The following FBXL20 variants were observed in gnomAD, a reference collection of about 807,000 sequenced individuals.
FBXL20 encodes the protein F-box and leucine rich repeat protein 20.
In FBXL20, 11 loss-of-function variants were observed where a neutral mutation model predicts 64.0. That is an observed-to-expected ratio of 0.17 (90% CI 0.11 to 0.28). The LOEUF is 0.28. Among genes scored for constraint, FBXL20 ranks in the 10% least tolerant of loss-of-function variants. The pLI is 1.00. For synonymous variants in FBXL20, 184 were observed against 189.0 expected, an observed-to-expected ratio of 0.97 and a Z score of 0.22; for missense variants, 303 against 526.2, an observed-to-expected ratio of 0.58 and a Z score of 4.15.
chr17:39,377,843 G>A (rs34362498), intron 1 of FBXL20, among the ~76,000 whole-genome samples: 6,544 of 152,160 alleles, frequency 0.043, 468 homozygotes, highest in African/African-American at 0.15. Flanking sequence ...TCTAGGCAGC[G>A]GGCAAGGTGA....
At chr17:39,402,355 G>GGGGGCC (rs2048257748), upstream of FBXL20, 1 of 556,386 alleles carries the variant, frequency 1.8e-6, no homozygotes, top group Non-Finnish European at 2.7e-6. Flanking sequence ...GGGAGGCCTG[G>GGGGGCC]GGGGCCGGGG....
intron 1 of FBXL20, among the ~76,000 whole-genome samples, chr17:39,363,810 C>CAAAAAAAAAAAAAAAAAA (rs71372113): frequency 3.8e-5 from 1 of 26,650 alleles, no homozygotes; most frequent in Non-Finnish European, 6.4e-5. Context: ...GACTTTATCT[C>CAAAAAAAAAAAAAAAAAA]AAAAAAAAAA....
At chr17:39,337,004 CCT>C (rs1344995344) in intron 2 of FBXL20, among the ~76,000 whole-genome samples, 5 of 151,986 alleles carry the variant, frequency 3.3e-5, no homozygotes, top group African/African-American at 7.2e-5. Flanking sequence ...TCTTCCTCTC[CCT>C]CTCTTTCCAC....
At chr17:39,299,761 C>G (rs1471766449) in intron 4 of FBXL20, among the ~76,000 whole-genome samples, 1 of 147,824 alleles carries the variant, frequency 6.8e-6, no homozygotes, top group Admixed American at 6.8e-5. Flanking sequence ...CCAGCCTGGG[C>G]GACAAAGCGA....
chr17:39,286,783 AGTGAAACTCT>A (rs1288318883), intron 6 of FBXL20, among the ~76,000 whole-genome samples: 2 of 151,808 alleles, frequency 1.3e-5, no homozygotes, highest in African/African-American at 4.8e-5. Context: ...GGGCAACAAG[AGTGAAACTCT>A]GTCTCAAAAA....
intron 1 of FBXL20, among the ~76,000 whole-genome samples, chr17:39,394,691 A>G (rs1456379101): frequency 6.6e-6 from 1 of 151,224 alleles, no homozygotes; most frequent in African/African-American, 2.4e-5. Flanking sequence ...CAGCCTTCTG[A>G]GTACCTGAAA....
chr17:39,267,773 G>C (rs1053112680), intron 12 of FBXL20, among the ~76,000 whole-genome samples: 2 of 151,884 alleles, frequency 1.3e-5, no homozygotes, highest in Non-Finnish European at 2.9e-5. Flanking sequence ...GTAGAGAAAG[G>C]GGGTGGGCGA....
chr17:39,326,793 T>TGC (rs1348938376), intron 2 of FBXL20, among the ~76,000 whole-genome samples: 1 of 151,094 alleles, frequency 6.6e-6, no homozygotes, highest in Non-Finnish European at 1.5e-5. Flanking sequence ...CTAACATATA[T>TGC]ACACACACGC....
intron 2 of FBXL20, among the ~76,000 whole-genome samples, chr17:39,313,230 T>C (rs1034290632): frequency 2.0e-5 from 3 of 151,090 alleles, no homozygotes; most frequent in African/African-American, 7.3e-5. Flanking sequence ...TTTTTGTTTT[T>C]TTCTTAATTT....
At chr17:39,332,042 A>G (rs2047466308) in intron 2 of FBXL20, among the ~76,000 whole-genome samples, 1 of 152,216 alleles carries the variant, frequency 6.6e-6, no homozygotes, top group Admixed American at 6.5e-5. Context: ...TGTGTCCTCA[A>G]TTAACAGCAA....
chr17:39,329,340 T>C (rs1217832470), intron 2 of FBXL20, among the ~76,000 whole-genome samples: 1 of 152,182 alleles, frequency 6.6e-6, no homozygotes, highest in Non-Finnish European at 1.5e-5. Context: ...ACTGTCAATG[T>C]TGTGAAAGAC....
In FBXL20 at chr17:39,323,155, G is replaced by C. The variant is rs143286868; in HGVS notation, c.105-19516C>G. Among the ~76,000 whole-genome samples, 896 of 152,138 alleles carry C rather than the reference G, an allele frequency of 5.9e-3. 4 individuals are homozygous for C. The highest frequency in any genetic ancestry group is 9.6e-3 in the Non-Finnish European group (654 of 67,994). The stretch of plus-strand genomic sequence containing the variant: ...CAGCCAATTTTTTGTATTTTTAGTA[G>C]AGATGGGGTTTTACCATGTTAGCCA... On this transcript the variant is annotated intron_variant, in intron 2 of 14. Coordinates refer to ENST00000264658, the MANE Select transcript of FBXL20 (RefSeq NM_032875.3).
At chr17:39,396,969 A>AAAC (rs1555616386) in intron 1 of FBXL20, among the ~76,000 whole-genome samples, 1 of 149,508 alleles carries the variant, frequency 6.7e-6, no homozygotes, top group African/African-American at 2.5e-5. Context: ...AAAAAAAAAA[A>AAAC]AAAAAAATCC....
Position 39,261,505 on chromosome 17 carries a change from T to G in FBXL20, c.1266A>C (p.Val422=). The G allele has an allele frequency of 1.2e-6, 2 of 1,614,030 alleles. No individual in the cohort carries two copies. Among genetic ancestry groups the G allele is most frequent in the Non-Finnish European group, 1.7e-6 (2 of 1,179,908 alleles). The change falls in exon 15 of 15, where the codon GTA becomes GTC. Residue 422 remains valine (V), a synonymous_variant. Coordinates refer to ENST00000264658, the MANE Select transcript of FBXL20 (RefSeq NM_032875.3). The stretch of plus-strand genomic sequence containing the variant: ...TGCAGAAGCGCTGTCTGCTGCCCCC[T>G]ACTGATGGGGGTGGAGTGACAGGTG... ...YFAPVTPPPS[V]GGSRQRFCRC...
At chr17:39,295,961 G>A (rs1202742878) in intron 6 of FBXL20, among the ~76,000 whole-genome samples, 1 of 151,702 alleles carries the variant, frequency 6.6e-6, no homozygotes, top group Admixed American at 6.6e-5. Context: ...TAGACATTGG[G>A]GAGTTTCCTA....
intron 2 of FBXL20, among the ~76,000 whole-genome samples, chr17:39,331,641 C>G (rs1295014158): frequency 2.0e-5 from 3 of 152,170 alleles, no homozygotes; most frequent in Non-Finnish European, 4.4e-5. Flanking sequence ...CTATCTTCAG[C>G]ATAATGCCTG....
upstream of FBXL20, chr17:39,402,114 G>A: frequency 1.6e-6 from 2 of 1,222,924 alleles, no homozygotes; most frequent in Non-Finnish European, 2.0e-6. Context: ...TGTTCCCCAG[G>A]ATCCTGTAAG....
At chr17:39,305,936 G>A (rs2047177906) in intron 2 of FBXL20, among the ~76,000 whole-genome samples, 1 of 151,494 alleles carries the variant, frequency 6.6e-6, no homozygotes, top group Admixed American at 6.6e-5. Flanking sequence ...GCAGTGAGCC[G>A]AGATGGTGCC....
At chr17:39,276,221 G>GAAAAAAAAAAAAAA (rs1215336803) in intron 9 of FBXL20, among the ~76,000 whole-genome samples, 2 of 60,562 alleles carry the variant, frequency 3.3e-5, no homozygotes, top group Non-Finnish European at 3.1e-5. Context: ...AGCAAGAAAA[G>GAAAAAAAAAAAAAA]AAAAAAAAAA....
Sources: gnomAD v4.1 joint callset for allele counts (sites outside exome capture counted in the v4.1 genomes callset) on GRCh38, gnomAD v4.1.1 for gene constraint, MANE v1.5 for transcripts, NCBI Gene and HGNC (gene_info 2026-07-23, HGNC 2026-07-21) for gene names.